Variants in ASTN2 observed in about 807,000 individuals in gnomAD.
ASTN2 encodes the protein astrotactin 2.
In ASTN2, 54 loss-of-function variants were observed where a neutral mutation model predicts 139.8. The ratio of observed to expected loss-of-function variants is 0.39; its 90% CI spans 0.31 to 0.48. ASTN2 has a LOEUF of 0.48. ASTN2 is among the 20% of genes least tolerant of loss of function. The pLI is 0.95. For synonymous variants in ASTN2, 756 were observed against 719.5 expected, an observed-to-expected ratio of 1.05 and a Z score of -0.81; for missense variants, 1,565 against 1,725.1, an observed-to-expected ratio of 0.91 and a Z score of 1.64.
intron 10 of ASTN2, among the ~76,000 whole-genome samples, chr9:116,949,743 G>T (rs999331440): frequency 6.6e-6 from 1 of 152,184 alleles, no homozygotes; most frequent in Non-Finnish European, 1.5e-5. Flanking sequence ...GGTTCCAGGG[G>T]TTATAGAGCC....
At chr9:116,799,926 T>C (rs1830800254) in intron 13 of ASTN2, among the ~76,000 whole-genome samples, 1 of 152,124 alleles carries the variant, frequency 6.6e-6, no homozygotes. Flanking sequence ...TTGGGGGCAA[T>C]TTGGAAGTGA....
chr9:117,407,314 G>A (rs1564188799), intron 1 of ASTN2, among the ~76,000 whole-genome samples: 1 of 152,196 alleles, frequency 6.6e-6, no homozygotes, highest in Non-Finnish European at 1.5e-5. Context: ...CTTTACAAGA[G>A]GATGGCCATT....
At chr9:116,788,787 G>T (rs1178421902) in intron 13 of ASTN2, among the ~76,000 whole-genome samples, 1 of 151,888 alleles carries the variant, frequency 6.6e-6, no homozygotes, top group Admixed American at 6.6e-5. Context: ...TCTATGACAA[G>T]GGGTGACAGT....
intron 1 of ASTN2, among the ~76,000 whole-genome samples, chr9:117,413,441 A>G (rs1402834010): frequency 3.9e-5 from 6 of 152,238 alleles, no homozygotes; most frequent in African/African-American, 1.4e-4. Context: ...CCAGACTCCG[A>G]CAACCAATAA....
At chr9:116,669,147 C>T (rs1291522091) in intron 16 of ASTN2, among the ~76,000 whole-genome samples, 1 of 152,186 alleles carries the variant, frequency 6.6e-6, no homozygotes, top group Non-Finnish European at 1.5e-5. Flanking sequence ...ATTGCCATGG[C>T]AACACCTAAA....
chr9:116,790,395 C>T (rs1830498326), intron 13 of ASTN2, among the ~76,000 whole-genome samples: 1 of 152,074 alleles, frequency 6.6e-6, no homozygotes, highest in Non-Finnish European at 1.5e-5. Flanking sequence ...CATAGCCTTT[C>T]CTGTTGGAAT....
intron 3 of ASTN2, among the ~76,000 whole-genome samples, chr9:117,213,948 A>G (rs929856404): frequency 6.6e-6 from 1 of 152,176 alleles, no homozygotes; most frequent in Admixed American, 6.5e-5. Flanking sequence ...AGAATATCAG[A>G]TCACTTTCCT....
rs774327726 is a variant in ASTN2 at position 116,425,565 on chromosome 9, T to C, written c.*286A>G. The C allele has an allele frequency of 1.9e-6, 3 of 1,613,206 alleles. No homozygotes were observed. The highest frequency in any genetic ancestry group is 1.7e-6 in the Non-Finnish European group (2 of 1,179,778). On this transcript the variant is annotated 3_prime_UTR_variant, in exon 23 of 23. Transcript: ENST00000313400. ...CCACCTGAAAACTTCTGCCTCGGGATTGACAGCCATCCATAAGAAAAGGTT... is the reference window on the plus strand; with the variant it reads ...CCACCTGAAAACTTCTGCCTCGGGACTGACAGCCATCCATAAGAAAAGGTT...
chr9:117,271,277 C>T lies in ASTN2; in HGVS notation c.630+20049G>A, dbSNP rs114940024. ...GAAAAAGCAGAAACCCCAATAAACC[C>T]ACCAGATCTCATGAGACTTATTCAC... On this transcript the variant is annotated intron_variant, in intron 2 of 22. Coordinates refer to ENST00000313400, the MANE Select transcript of ASTN2 (RefSeq NM_001365068.1). Among the ~76,000 whole-genome samples the T allele has an allele frequency of 7.6e-3, 1,160 of 152,224 alleles. 15 individuals are homozygous for T. Among genetic ancestry groups the T allele is most frequent in the African/African-American group, 0.026 (1,092 of 41,534 alleles).
chr9:116,948,380 T>C (rs1835456216), intron 10 of ASTN2, among the ~76,000 whole-genome samples: 1 of 152,194 alleles, frequency 6.6e-6, no homozygotes, highest in African/African-American at 2.4e-5. Flanking sequence ...ATTATTTATT[T>C]TGATGCTCAA....
At chr9:117,361,048 G>A (rs1045772106) in intron 1 of ASTN2, among the ~76,000 whole-genome samples, 10 of 152,028 alleles carry the variant, frequency 6.6e-5, no homozygotes, top group African/African-American at 2.4e-4. Context: ...CAATCTCAGG[G>A]GGATTGAGAC....
chr9:116,476,035 G>A (rs537307122), intron 20 of ASTN2, among the ~76,000 whole-genome samples: 1 of 152,318 alleles, frequency 6.6e-6, no homozygotes, highest in South Asian at 2.1e-4. Context: ...TAAAACAACA[G>A]AAGTGTACTC....
intron 10 of ASTN2, among the ~76,000 whole-genome samples, chr9:116,877,302 A>G (rs781253054): frequency 7.3e-6 from 1 of 137,144 alleles, no homozygotes. Flanking sequence ...GAAATTTTCT[A>G]TCTAAGTGTG....
chr9:116,770,115 A>AC (rs1564257371), intron 13 of ASTN2, among the ~76,000 whole-genome samples: 3 of 151,670 alleles, frequency 2.0e-5, no homozygotes, highest in South Asian at 4.2e-4. Flanking sequence ...AAAAAAAAAA[A>AC]AAAACTAAAA....
At chr9:117,304,416 C>G (rs1834950014) in intron 1 of ASTN2, among the ~76,000 whole-genome samples, 1 of 152,208 alleles carries the variant, frequency 6.6e-6, no homozygotes, top group South Asian at 2.1e-4. Flanking sequence ...AAAGCCTTGT[C>G]TCTTTTGCTG....
chr9:116,899,280 A>G (rs114744792), intron 10 of ASTN2, among the ~76,000 whole-genome samples: 4,320 of 152,190 alleles, frequency 0.028, 222 homozygotes, highest in African/African-American at 0.099. Flanking sequence ...CAATCAGGAG[A>G]AGCTGTTAGG....
intron 19 of ASTN2, among the ~76,000 whole-genome samples, chr9:116,517,265 T>C (rs981625535): frequency 1.1e-4 from 17 of 152,204 alleles, no homozygotes; most frequent in Admixed American, 3.3e-4. Flanking sequence ...TCCACTTCAC[T>C]ACCCTGCTAC....
At chr9:116,509,275 T>C (rs1354610410) in intron 19 of ASTN2, among the ~76,000 whole-genome samples, 4 of 152,196 alleles carry the variant, frequency 2.6e-5, no homozygotes, top group African/African-American at 9.7e-5. Context: ...TTTTTGTCTT[T>C]GTGATAGTTT....
chr9:117,213,814 T>G (rs1479154621), intron 3 of ASTN2, among the ~76,000 whole-genome samples: 1 of 152,144 alleles, frequency 6.6e-6, no homozygotes, highest in Non-Finnish European at 1.5e-5. Flanking sequence ...ACCAGGAAGG[T>G]GAAATGTCTG....
Sources: gnomAD v4.1 joint callset for allele counts (sites outside exome capture counted in the v4.1 genomes callset) on GRCh38, gnomAD v4.1.1 for gene constraint, MANE v1.5 for transcripts, NCBI Gene and HGNC (gene_info 2026-07-23, HGNC 2026-07-21) for gene names.